The following SAR1A variants were observed in gnomAD, a reference collection of about 807,000 sequenced individuals.
SAR1A encodes secretion associated Ras related GTPase 1A, also known as small COPII coat GTPase SAR1A.
A neutral mutation model predicts 22.6 loss-of-function variants in SAR1A; 6 were observed. That is an observed-to-expected ratio of 0.27 (90% CI 0.15 to 0.52). The LOEUF is 0.52. Ranked by LOEUF, SAR1A falls within the 20% of genes least tolerant of loss-of-function variation. The pLI, the probability that SAR1A is intolerant of heterozygous loss-of-function variation, is 0.96. For missense variants in SAR1A, 145 were observed against 245.1 expected, an observed-to-expected ratio of 0.59 and a Z score of 2.73; for synonymous variants, 70 against 82.2, an observed-to-expected ratio of 0.85 and a Z score of 0.80.
At chr10:70,163,919 C>T in intron 1 of SAR1A, 1 of 1,597,900 alleles carries the variant, frequency 6.3e-7, no homozygotes, top group Non-Finnish European at 8.6e-7. Flanking sequence ...AAATGAAAGA[C>T]ACAGACAGTG....
At chr10:70,169,192 A>C (rs998053473) in intron 1 of SAR1A, among the ~76,000 whole-genome samples, 3 of 152,144 alleles carry the variant, frequency 2.0e-5, no homozygotes, top group African/African-American at 7.2e-5. Context: ...TTAAACCCTC[A>C]TCTCTAACAC....
intron 1 of SAR1A, among the ~76,000 whole-genome samples, chr10:70,163,215 T>C (rs909693695): frequency 2.6e-5 from 4 of 151,962 alleles, no homozygotes; most frequent in Admixed American, 1.3e-4. Flanking sequence ...GTCAAGAAAA[T>C]GAAACAGCCT....
At chr10:70,167,836 A>G (rs1043001876) in intron 1 of SAR1A, among the ~76,000 whole-genome samples, 1 of 152,222 alleles carries the variant, frequency 6.6e-6, no homozygotes, top group Admixed American at 6.5e-5. Flanking sequence ...CCTTTTCAAT[A>G]ACAAATATAT....
chr10:70,159,711 G>C (rs1839442818), intron 4 of SAR1A, among the ~76,000 whole-genome samples: 1 of 152,174 alleles, frequency 6.6e-6, no homozygotes, highest in African/African-American at 2.4e-5. Flanking sequence ...GTAATAACAA[G>C]TAAGTAAATC....
intron 1 of SAR1A, among the ~76,000 whole-genome samples, chr10:70,166,171 A>T (rs1839547514): frequency 6.6e-6 from 1 of 152,246 alleles, no homozygotes; most frequent in Admixed American, 6.5e-5. Flanking sequence ...AAACCAAAAT[A>T]TTCGTGTTAC....
intron 1 of SAR1A, chr10:70,166,762 G>A (rs776949807): frequency 3.4e-5 from 5 of 148,536 alleles, no homozygotes; most frequent in African/African-American, 1.3e-4. Flanking sequence ...TGAGGTGGGG[G>A]ATTCCTCCCT....
rs1253826814 is a variant in SAR1A, at chr10:70,166,448, T to A, written c.-17+3965A>T. Among the ~76,000 whole-genome samples the A allele has an allele frequency of 3.3e-5, 5 of 152,302 alleles. No individual in the cohort carries two copies. The East Asian group carries it at 9.6e-4, about 29-fold the overall frequency. On this transcript the variant is annotated intron_variant, in intron 1 of 6. Coordinates refer to ENST00000373241, the MANE Select transcript of SAR1A (RefSeq NM_020150.5). ...TTGATTTGAATGAAAAACATATTAA[T>A]CTATCCTGTAAACAACTCTAAAAAA... is the stretch of plus-strand genomic sequence containing the variant.
In SAR1A at chr10:70,151,622, A is replaced by G. The variant is rs1839328261; in HGVS notation, c.*854T>C. 1 of 152,668 alleles carries G rather than the reference A, an allele frequency of 6.6e-6. No individual in the cohort carries two copies. Among genetic ancestry groups the G allele is most frequent in the Non-Finnish European group, 1.5e-5 (1 of 68,038 alleles). The allele number at this position is 152,668 out of a possible 1,614,324, so 9.5% of individuals were successfully genotyped here. On this transcript the variant is annotated 3_prime_UTR_variant, in exon 7 of 7. Coordinates refer to ENST00000373241, the MANE Select transcript of SAR1A (RefSeq NM_020150.5). ...TCAACTCTTTTATGAGGTCAAAGTC[A>G]CTTTTGATAACTGAAAACGAAAAAG...
In SAR1A at chr10:70,160,993, T is replaced by C. The variant is rs764348192; in HGVS notation, c.244+11A>G. ...GTCAATAAACATGCTTTCCACTGAG[T>C]CATCACTTACCTTGCTCGTGCCCAC... On this transcript the variant is annotated intron_variant, in intron 4 of 6. Coordinates refer to ENST00000373241, the MANE Select transcript of SAR1A (RefSeq NM_020150.5). 6.2e-7 allele frequency: 1 copy of C among 1,604,598 alleles called. No individual in the cohort carries two copies. Among genetic ancestry groups the C allele is most frequent in the Non-Finnish European group, 8.5e-7 (1 of 1,173,996 alleles).
At chr10:70,168,063 A>C (rs1589880112) in intron 1 of SAR1A, among the ~76,000 whole-genome samples, 1 of 152,192 alleles carries the variant, frequency 6.6e-6, no homozygotes, top group South Asian at 2.1e-4. Flanking sequence ...TGCCTGGAGA[A>C]GCACAGCTCA....
At position 70,149,346 on chromosome 10, in the gene SAR1A, T is replaced by G. The variant is rs1461902279; in HGVS notation, c.*3130A>C. On this transcript the variant is annotated 3_prime_UTR_variant, in exon 7 of 7. Transcript: ENST00000373241. ...CCTTGGCCTCCCAAAGCGCTAGGAT[T>G]ACAGACGTGAGCCACCGCGCCCGGC... The G allele has an allele frequency of 6.6e-6, 1 of 152,154 alleles. No homozygotes were observed. The highest frequency in any genetic ancestry group is 1.5e-5 in the Non-Finnish European group (1 of 68,070). The allele number at this position is 152,154 out of a possible 1,614,324, so 9.4% of individuals were successfully genotyped here.
At position 70,166,288 on chromosome 10, in the gene SAR1A, C is replaced by T. The variant is rs539875362; in HGVS notation, c.-17+4125G>A. Among the ~76,000 whole-genome samples, 5 of 152,286 alleles carry T rather than the reference C, an allele frequency of 3.3e-5. No individual in the cohort carries two copies. The South Asian group carries it at 8.3e-4, about 25-fold the overall frequency. On this transcript the variant is annotated intron_variant, in intron 1 of 6. Transcript: ENST00000373241. The stretch of plus-strand genomic sequence containing the variant: ...CTGTGTGACTTACTCCTCCAGGCAG[C>T]GGTTCATTCACATTCCCTAGACATA...
intron 1 of SAR1A, among the ~76,000 whole-genome samples, chr10:70,162,306 C>A (rs1007473546): frequency 4.8e-5 from 7 of 147,220 alleles, no homozygotes; most frequent in African/African-American, 1.8e-4. Context: ...TGCCACTGCA[C>A]TCACTTGGGC....
At chr10:70,163,964 T>A in intron 1 of SAR1A, 1 of 1,420,216 alleles carries the variant, frequency 7.0e-7, no homozygotes, top group Non-Finnish European at 1.0e-6. Flanking sequence ...GTGTGTTTGA[T>A]AAGGATGGCA....
intron 5 of SAR1A, among the ~76,000 whole-genome samples, chr10:70,155,310 A>T (rs1839373570): frequency 6.6e-6 from 1 of 151,070 alleles, no homozygotes; most frequent in Non-Finnish European, 1.5e-5. Flanking sequence ...CTAAATGATT[A>T]AAAAAAAAAT....
intron 1 of SAR1A, among the ~76,000 whole-genome samples, chr10:70,169,831 A>G (rs1352561856): frequency 1.3e-5 from 2 of 152,320 alleles, no homozygotes; most frequent in East Asian, 3.9e-4. Context: ...TGTCAAATGC[A>G]CATAAGGAAA....
intron 5 of SAR1A, among the ~76,000 whole-genome samples, chr10:70,154,602 C>CA (rs1839364098): frequency 6.6e-6 from 1 of 152,006 alleles, no homozygotes; most frequent in East Asian, 1.9e-4. Flanking sequence ...GGACTACAGG[C>CA]ATGTGCTACC....
At chr10:70,168,970 T>G (rs1051180496) in intron 1 of SAR1A, among the ~76,000 whole-genome samples, 3 of 152,076 alleles carry the variant, frequency 2.0e-5, no homozygotes, top group Non-Finnish European at 2.9e-5. Flanking sequence ...AAAATGGCCT[T>G]GGTGGCTCCT....
intron 4 of SAR1A, among the ~76,000 whole-genome samples, chr10:70,158,539 G>C (rs963338541): frequency 6.6e-6 from 1 of 152,120 alleles, no homozygotes; most frequent in Non-Finnish European, 1.5e-5. Context: ...GGGAAGCAGT[G>C]ATTTAATTGT....
Sources: gnomAD v4.1 joint callset for allele counts (sites outside exome capture counted in the v4.1 genomes callset) on GRCh38, gnomAD v4.1.1 for gene constraint, MANE v1.5 for transcripts, NCBI Gene and HGNC (gene_info 2026-07-23, HGNC 2026-07-21) for gene names.